The following FLOT2 variants were observed in gnomAD, a reference collection of about 807,000 sequenced individuals.
FLOT2 encodes flotillin-2.
A neutral mutation model predicts 54.9 loss-of-function variants in FLOT2; 35 were observed. That is an observed-to-expected ratio of 0.64 (90% confidence interval 0.49 to 0.84). The LOEUF (loss-of-function observed/expected upper bound fraction) is 0.84. Ranked by LOEUF, FLOT2 falls within the 40% of genes least tolerant of loss-of-function variation. The probability of loss-of-function intolerance (pLI) is 0.00; values close to 1 mark genes in which losing one functional copy is unlikely to be tolerated. For synonymous variants in FLOT2, 207 were observed against 228.9 expected (o/e 0.90, Z 0.86); for missense variants, 464 against 572.1 (o/e 0.81, Z 1.93).
At chr17:28,890,490 G>A (rs529599610) in intron 1 of FLOT2, among the ~76,000 whole-genome samples, 1 of 151,550 alleles carries the variant, frequency 6.6e-6, no homozygotes, top group African/African-American at 2.4e-5. Flanking sequence ...GGGTTCACGC[G>A]ATTCTCCTGC....
Position 28,895,105 on chromosome 17 carries a change from G to A in FLOT2, c.49+2421C>T, listed in dbSNP as rs1395516982. On this transcript the variant is annotated intron_variant, in intron 1 of 10. Coordinates refer to ENST00000394908, the MANE Select transcript of FLOT2 (RefSeq NM_004475.3). ...TTTTTTTTTTTTTGGTAGAGACAGA[G>A]TTTTGCCATATTGCCCAAGCTGGTC... Among the ~76,000 whole-genome samples, 3 of 151,292 alleles carry A rather than the reference G, an allele frequency of 2.0e-5. No homozygotes were observed. The East Asian group carries it at 5.8e-4, about 29-fold the overall frequency.
chr17:28,889,048 C>T (rs371590425), intron 1 of FLOT2, 22 bp from the exon 2 acceptor site: 20 of 1,609,754 alleles, frequency 1.2e-5, no homozygotes, highest in Admixed American at 1.0e-4. Flanking sequence ...AGCAAACCAC[C>T]GCAAGTCAGT....
At position 28,882,626 on chromosome 17, in the gene FLOT2, C is replaced by T; in HGVS notation, c.412G>A (p.Ala138Thr). 2 of 1,613,788 alleles carry T rather than the reference C, an allele frequency of 1.2e-6. No individual in the cohort carries two copies. The highest frequency in any genetic ancestry group is 2.2e-5 in the South Asian group (2 of 91,086). The stretch of plus-strand genomic sequence containing the variant: ...CCCATGCGGCCAACATCAGGGGCTG[C>T]CACCTCCCGCACCAGCTTGGCAAAC... ...DQFAKLVREV[A>T]APDVGRMGIE... Residue 138 changes from alanine (A) to threonine (T), a missense_variant, in exon 5 of 11, where the codon GCA (alanine) becomes ACA (threonine). Transcript: ENST00000394908. This position sits in a 1 kb window ranked among gnomAD's most constrained non-coding sequence, Gnocchi z 5.6.
At chr17:28,896,951 G>T (rs1385911075) in intron 1 of FLOT2, among the ~76,000 whole-genome samples, 4 of 152,172 alleles carry the variant, frequency 2.6e-5, no homozygotes, top group African/African-American at 4.8e-5. Flanking sequence ...ATCCCAAACT[G>T]CACTGCCCAG....
intron 1 of FLOT2, among the ~76,000 whole-genome samples, chr17:28,893,987 G>GATGCTCCCA (rs2039696124): frequency 6.6e-6 from 1 of 152,220 alleles, no homozygotes; most frequent in African/African-American, 2.4e-5. Flanking sequence ...GTAGCTTGCC[G>GATGCTCCCA]ATGCTCCCAG....
Position 28,882,280 on chromosome 17 carries a change from G to A in FLOT2, c.580-43C>T. 2 of 1,614,008 alleles carry A rather than the reference G, an allele frequency of 1.2e-6. No homozygotes were observed. The highest frequency in any genetic ancestry group is 1.1e-5 in the South Asian group (1 of 91,076). On this transcript the variant is annotated intron_variant, in intron 6 of 10. Coordinates refer to ENST00000394908, the MANE Select transcript of FLOT2 (RefSeq NM_004475.3). This position sits in a 1 kb window ranked among gnomAD's most constrained non-coding sequence, Gnocchi z 5.6. ...AGAAGGGGAAGGTGAGTGAGTAGAG[G>A]TCCTGAGTCATCATGGTCCCATCAC...
At chr17:28,886,238 G>A (rs2039544817) in intron 2 of FLOT2, among the ~76,000 whole-genome samples, 1 of 152,218 alleles carries the variant, frequency 6.6e-6, no homozygotes, top group Non-Finnish European at 1.5e-5. Flanking sequence ...TGGGCCTGCG[G>A]CCTGAGGTCA....
At chr17:28,885,591 C>T in intron 2 of FLOT2, 1 of 717,496 alleles carries the variant, frequency 1.4e-6, no homozygotes, top group Non-Finnish European at 2.6e-6. Context: ...TAACGAAGGC[C>T]TGGCATCCAG....
chr17:28,883,186 G>T lies in FLOT2; in HGVS notation c.268C>A (p.Gln90Lys). 1 of 1,614,016 alleles carries T rather than the reference G, an allele frequency of 6.2e-7. No homozygotes were observed. The highest frequency in any genetic ancestry group is 8.5e-7 in the Non-Finnish European group (1 of 1,179,978). Residue 90 changes from glutamine to lysine, a missense_variant, in exon 4 of 11, where the codon CAG becomes AAG. Transcript: ENST00000394908. The surrounding 1 kb of genome is among the most constrained non-coding windows in gnomAD (Gnocchi z 5.0). ...EKELLAVACEQFLGKNVQDIK... is the reference protein window; with the variant it reads ...EKELLAVACEKFLGKNVQDIK... The stretch of plus-strand genomic sequence containing the variant: ...TCCTGCACATTCTTACCCAGAAACT[G>T]CTCACAAGCCACGGCCAGGAGTTCC...
At chr17:28,881,608 C>T (rs560379362) in intron 8 of FLOT2, among the ~76,000 whole-genome samples, 4 of 152,350 alleles carry the variant, frequency 2.6e-5, no homozygotes, top group African/African-American at 9.6e-5. Flanking sequence ...AGCACTACAC[C>T]AGGCACTGGA....
chr17:28,880,049 G>C lies in FLOT2; in HGVS notation c.*512C>G. 1 of 991,896 alleles carries C rather than the reference G, an allele frequency of 1.0e-6. No homozygotes were observed. Among genetic ancestry groups the C allele is most frequent in the South Asian group, 4.6e-5 (1 of 21,908 alleles). The allele number at this position is 991,896 out of a possible 1,614,324, so 61.4% of individuals were successfully genotyped here. ...GACCTAGAGGGGCAGCAGCAGGTGA[G>C]GCTGTGGGCTTCCTGGGGCAGGGTT... is the stretch of plus-strand genomic sequence containing the variant. On this transcript the variant is annotated 3_prime_UTR_variant, in exon 11 of 11. Transcript: ENST00000394908.
chr17:28,884,694 G>A lies in FLOT2; in HGVS notation c.132-379C>T, dbSNP rs2039512154. 6.6e-6 allele frequency among the ~76,000 whole-genome samples: 1 copy of A among 152,190 alleles called. No homozygotes were observed. The highest frequency in any genetic ancestry group is 1.5e-5 in the Non-Finnish European group (1 of 68,014). On this transcript the variant is annotated intron_variant, in intron 2 of 10. Transcript: ENST00000394908. This position sits in a 1 kb window ranked among gnomAD's most constrained non-coding sequence, Gnocchi z 5.1. ...TGGTCCTCCCGGCCCTGCTGTGCAG[G>A]CCATCCGTGGATGTCAACTGAGCCT...
At chr17:28,880,930 C>G (rs2152645944) in intron 9 of FLOT2, 68 bp from the exon 10 acceptor site, 1 of 1,577,790 alleles carries the variant, frequency 6.3e-7, no homozygotes, top group East Asian at 2.2e-5. Flanking sequence ...TCCAGCATCT[C>G]TCCCTCCCTT....
rs941013932 is a variant in FLOT2, at chr17:28,884,162, C to G, written c.222+63G>C. The G allele has an allele frequency of 3.7e-5, 47 of 1,273,084 alleles. No individual in the cohort carries two copies. Among genetic ancestry groups the G allele is most frequent in the South Asian group, 8.3e-5 (7 of 84,380 alleles). The allele number at this position is 1,273,084 out of a possible 1,614,324, so 78.9% of individuals were successfully genotyped here. A position where few individuals can be genotyped will look rare whatever the true frequency, so the allele number is the denominator to read the frequency against. On this transcript the variant is annotated intron_variant, in intron 3 of 10. Transcript: ENST00000394908. This position sits in a 1 kb window ranked among gnomAD's most constrained non-coding sequence, Gnocchi z 5.1. The stretch of plus-strand genomic sequence containing the variant: ...TGGCTGCTGTCCTCTCCTCCTCCCC[C>G]CGAACCCGAGTACGGGACCAGGCAG...
At chr17:28,896,168 T>G (rs563497710) in intron 1 of FLOT2, among the ~76,000 whole-genome samples, 1 of 152,370 alleles carries the variant, frequency 6.6e-6, no homozygotes, top group East Asian at 1.9e-4. Context: ...ACTTCTGTTC[T>G]GAAGACCAGG....
intron 1 of FLOT2, among the ~76,000 whole-genome samples, chr17:28,896,868 A>G (rs543005077): frequency 2.0e-5 from 3 of 152,270 alleles, no homozygotes; most frequent in Admixed American, 6.5e-5. Context: ...TCTCAATAGC[A>G]GTTCCTTTTC....
chr17:28,894,642 T>TA (rs1235262840), intron 1 of FLOT2, among the ~76,000 whole-genome samples: 4 of 135,326 alleles, frequency 3.0e-5, no homozygotes, highest in Admixed American at 2.2e-4. Flanking sequence ...TTTTTTTTTT[T>TA]TAAATACTGA....
rs2039753909 is a variant in FLOT2, at chr17:28,897,066, G to A, written c.49+460C>T. 6.6e-6 allele frequency among the ~76,000 whole-genome samples: 1 copy of A among 152,220 alleles called. No individual in the cohort carries two copies. Among genetic ancestry groups the A allele is most frequent in the Admixed American group, 6.5e-5 (1 of 15,270 alleles). The stretch of plus-strand genomic sequence containing the variant: ...CTGCTTGGAATTAACGGGTCTGACT[G>A]TGCCGAGAAACGACCTCTGTTTCAG... On this transcript the variant is annotated intron_variant, in intron 1 of 10. Transcript: ENST00000394908. This position sits in a 1 kb window ranked among gnomAD's most constrained non-coding sequence, Gnocchi z 4.4.
At chr17:28,895,727 G>A (rs7214973) in intron 1 of FLOT2, among the ~76,000 whole-genome samples, 78,814 of 151,332 alleles carry the variant, frequency 0.52, 23,234 homozygotes, top group South Asian at 0.75. Flanking sequence ...CCCATCCCCC[G>A]ACCCCATCCA....
Sources: gnomAD v4.1 joint callset for allele counts (sites outside exome capture counted in the v4.1 genomes callset) on GRCh38, gnomAD v4.1.1 for gene constraint, Gnocchi (gnomAD v3.1) non-coding constraint, MANE v1.5 for transcripts, NCBI Gene and HGNC (gene_info 2026-07-23, HGNC 2026-07-21) for gene names.